Variants in TUBGCP5 observed in about 807,000 individuals in gnomAD.
The protein encoded by TUBGCP5 is tubulin gamma complex component 5, also known as gamma-tubulin complex component 5.
TUBGCP5 carries 98 observed loss-of-function variants against 134.7 expected under a neutral mutation model. The ratio of observed to expected loss-of-function variants is 0.73; its 90% CI spans 0.62 to 0.86. TUBGCP5 has a LOEUF of 0.86. TUBGCP5 is among the 40% of genes least tolerant of loss of function. TUBGCP5 has a pLI of 0.00. For missense variants in TUBGCP5, 1,150 were observed against 1,244.8 expected, an observed-to-expected ratio of 0.92 and a Z score of 1.15; for synonymous variants, 456 against 431.4, an observed-to-expected ratio of 1.06 and a Z score of -0.71.
chr15:22,999,635 A>T lies in TUBGCP5; in HGVS notation c.*185T>A. ...AGGCTGGCCTCAAACTCCTGGGCTCAAGTGATCTGCCTGTCTTGGCCTCCC... is the reference window on the plus strand; with the variant it reads ...AGGCTGGCCTCAAACTCCTGGGCTCTAGTGATCTGCCTGTCTTGGCCTCCC... On this transcript the variant is annotated 3_prime_UTR_variant, in exon 23 of 23. Coordinates refer to ENST00000615383, the MANE Select transcript of TUBGCP5 (RefSeq NM_052903.6). 1.6e-6 allele frequency: 1 copy of T among 623,548 alleles called. No individual in the cohort carries two copies. The highest frequency in any genetic ancestry group is 2.8e-6 in the Non-Finnish European group (1 of 360,774). The allele number at this position is 623,548 out of a possible 1,614,324, so 38.6% of individuals were successfully genotyped here.
intron 10 of TUBGCP5, among the ~76,000 whole-genome samples, chr15:23,022,381 C>A (rs2065755533): frequency 6.6e-6 from 1 of 152,152 alleles, no homozygotes; most frequent in African/African-American, 2.4e-5. Flanking sequence ...TATAAAGGAA[C>A]TGACAGTTCA....
At position 23,003,974 on chromosome 15, in the gene TUBGCP5, C is replaced by G. The variant is rs568683094; in HGVS notation, c.2838+128G>C. 7.1e-5 allele frequency: 89 copies of G among 1,257,196 alleles called. 3 individuals are homozygous for G. In the Admixed American group the frequency reaches 2.9e-3, roughly 41 times the overall value. The allele number at this position is 1,257,196 out of a possible 1,614,324, so 77.9% of individuals were successfully genotyped here. On this transcript the variant is annotated intron_variant, in intron 20 of 22. Transcript: ENST00000615383. ...GGCCTGGGGCATTTGTTTGTAACCTCATTTCATCTGGTTCTTCCTTAAAGA... is the reference window on the plus strand; with the variant it reads ...GGCCTGGGGCATTTGTTTGTAACCTGATTTCATCTGGTTCTTCCTTAAAGA...
At chr15:23,014,834 G>A (rs2065226433) in intron 13 of TUBGCP5, among the ~76,000 whole-genome samples, 1 of 152,126 alleles carries the variant, frequency 6.6e-6, no homozygotes, top group South Asian at 2.1e-4. Flanking sequence ...CTGTTCTCAT[G>A]GAGCCCCTGG....
intron 6 of TUBGCP5, among the ~76,000 whole-genome samples, chr15:23,029,928 C>T (rs745939156): frequency 8.6e-5 from 13 of 151,640 alleles, no homozygotes; most frequent in African/African-American, 1.2e-4. Flanking sequence ...GGCATGGTGG[C>T]TCACATCTGT....
intron 9 of TUBGCP5, among the ~76,000 whole-genome samples, 155 bp downstream of exon 9, chr15:23,024,582 T>C (rs995928274): frequency 6.6e-6 from 1 of 152,196 alleles, no homozygotes; most frequent in African/African-American, 2.4e-5. Context: ...ATTTTTCTTT[T>C]TGGATATTAA....
chr15:23,027,259 A>G lies in TUBGCP5; in HGVS notation c.670T>C (p.Tyr224His). Residue 224 changes from tyrosine to histidine, a missense_variant, in exon 7 of 23, where the codon TAC (tyrosine) becomes CAC (histidine). Transcript: ENST00000615383. ...SWLEHHVVHQ[Y>H]WTARPSQFPH... Reference sequence around the variant, plus strand: ...AACTGGGAGGGCCTGGCTGTCCAGTACTGATGGACCACATGATGTTCCAGC... The same window carrying G: ...AACTGGGAGGGCCTGGCTGTCCAGTGCTGATGGACCACATGATGTTCCAGC... The G allele has an allele frequency of 6.2e-7, 1 of 1,614,068 alleles. No homozygotes were observed. The highest frequency in any genetic ancestry group is 2.2e-5 in the East Asian group (1 of 44,882).
Position 22,988,471 on chromosome 15 carries a change from A to C in TUBGCP5, c.*62-4860T>G, listed in dbSNP as rs536926048. 2.3e-3 allele frequency among the ~76,000 whole-genome samples: 342 copies of C among 151,808 alleles called. 1 individual carries two copies. Among genetic ancestry groups the C allele is most frequent in the African/African-American group, 4.8e-3 (197 of 41,288 alleles). On this transcript the variant is annotated intron_variant and NMD_transcript_variant, in intron 23 of 23. Transcript: ENST00000614508. The stretch of plus-strand genomic sequence containing the variant: ...TTTTTTGGCCGGTTGCGGTGGCTGA[A>C]GCCTGTAATCCCAGCACTTTGGGAG...
chr15:22,999,738 A>C lies in TUBGCP5; in HGVS notation c.*82T>G. ...GTTTTACAAATAAACCAAAATAAAA[A>C]TATTTTCACTTTTCAGCTGCACATG... is the stretch of plus-strand genomic sequence containing the variant. On this transcript the variant is annotated 3_prime_UTR_variant, in exon 23 of 23. Transcript: ENST00000615383. 6.7e-7 allele frequency: 1 copy of C among 1,489,240 alleles called. No homozygotes were observed. The allele number at this position is 1,489,240 out of a possible 1,614,324, so 92.3% of individuals were successfully genotyped here.
At chr15:22,996,552 C>A (rs1472682634), downstream of TUBGCP5, among the ~76,000 whole-genome samples, 1 of 152,156 alleles carries the variant, frequency 6.6e-6, no homozygotes, top group Admixed American at 6.5e-5. Flanking sequence ...GTGGTGTGAT[C>A]TTGGCTCACT....
intron 16 of TUBGCP5, 45 bp from the exon 17 acceptor site, chr15:23,006,397 A>T (rs765504809): frequency 2.2e-6 from 3 of 1,359,324 alleles, no homozygotes; most frequent in Admixed American, 4.3e-5. Context: ...GCACTATGTC[A>T]CACAAAAATG....
At chr15:23,022,433 C>T (rs1012445450) in intron 10 of TUBGCP5, among the ~76,000 whole-genome samples, 4 of 152,180 alleles carry the variant, frequency 2.6e-5, no homozygotes, top group African/African-American at 9.7e-5. Context: ...TACAGAAAGT[C>T]ACTTGACCTT....
rs1221522532 is a variant in TUBGCP5, at chr15:23,019,242, G to A, written c.1464C>T (p.Gly488=). Residue 488 remains glycine (G), a synonymous_variant, in exon 12 of 23, where the codon GGC becomes GGT. Transcript: ENST00000615383. The part of the protein sequence containing the change: ...EWIVHGHLWD[G]AREFIIQRNK... ...ACCTCTGGATGATGAACTCCCTGGC[G>A]CCATCCCACAGGTGCCCGTGCACGA... 13 of 1,613,496 alleles carry A rather than the reference G, an allele frequency of 8.1e-6. No individual in the cohort carries two copies. The highest frequency in any genetic ancestry group is 2.7e-5 in the African/African-American group (2 of 74,898).
At chr15:23,032,488 T>C (rs1483704540) in intron 4 of TUBGCP5, among the ~76,000 whole-genome samples, 1 of 152,208 alleles carries the variant, frequency 6.6e-6, no homozygotes, top group Non-Finnish European at 1.5e-5. Flanking sequence ...TGTATTATTA[T>C]TTATTTATTT....
chr15:23,018,147 A>G (rs1358304216), intron 12 of TUBGCP5, 106 bp from the exon 13 acceptor site: 2 of 1,188,234 alleles, frequency 1.7e-6, no homozygotes, highest in South Asian at 1.7e-5. Flanking sequence ...ATTAATTATT[A>G]GTAAACTGAA....
chr15:23,038,408 A>G (rs1342125436), intron 1 of TUBGCP5, among the ~76,000 whole-genome samples: 2 of 152,202 alleles, frequency 1.3e-5, no homozygotes, highest in South Asian at 2.1e-4. Context: ...TTAGTAGAAA[A>G]ATAACTTGGA....
chr15:23,004,871 G>T (rs1320704127), intron 19 of TUBGCP5, among the ~76,000 whole-genome samples: 2 of 152,092 alleles, frequency 1.3e-5, no homozygotes, highest in Non-Finnish European at 1.5e-5. Flanking sequence ...GTATAAACAG[G>T]TCTAAACAAC....
In TUBGCP5 at chr15:23,006,320, G is replaced by C. The variant is rs750236361; in HGVS notation, c.2360C>G (p.Ala787Gly). ...LSISFENVDT[A>G]KKKLPVHILD... ...GATATGAACAGGCAGCTTCTTCTTAGCTGTGTCAACATTTTCAAAAGATAT... is the reference window on the plus strand; with the variant it reads ...GATATGAACAGGCAGCTTCTTCTTACCTGTGTCAACATTTTCAAAAGATAT... The change falls in exon 17 of 23, where the codon GCT becomes GGT. Residue 787 changes from alanine (A) to glycine (G), a missense_variant. Physicochemically the swap from Ala to Gly is moderately conservative, Grantham distance 60 (BLOSUM62 0). Coordinates refer to ENST00000615383, the MANE Select transcript of TUBGCP5 (RefSeq NM_052903.6). 2 of 1,608,370 alleles carry C rather than the reference G, an allele frequency of 1.2e-6. No individual in the cohort carries two copies. Among genetic ancestry groups the C allele is most frequent in the Non-Finnish European group, 1.7e-6 (2 of 1,178,934 alleles).
chr15:23,034,960 AAG>A (rs1491059524), intron 3 of TUBGCP5, among the ~76,000 whole-genome samples: 2 of 152,176 alleles, frequency 1.3e-5, no homozygotes, highest in Non-Finnish European at 2.9e-5. Flanking sequence ...CACAAAAAAA[AAG>A]AGAGTATACA....
At chr15:23,036,220 A>G (rs915391497) in intron 3 of TUBGCP5, among the ~76,000 whole-genome samples, 2 of 152,136 alleles carry the variant, frequency 1.3e-5, no homozygotes, top group Admixed American at 1.3e-4. Context: ...CCCACCCCCA[A>G]TAAAAATGCT....
Sources: allele counts gnomAD v4.1 joint callset (sites outside exome capture counted in the v4.1 genomes callset), GRCh38; gene constraint gnomAD v4.1.1; transcripts MANE v1.5; gene names NCBI Gene and HGNC (gene_info 2026-07-23, HGNC 2026-07-21).